Variants in KMT2A observed in about 807,000 individuals in gnomAD.
The protein encoded by KMT2A is lysine methyltransferase 2A.
A neutral mutation model predicts 345.3 loss-of-function variants in KMT2A; 16 were observed. The ratio of observed to expected loss-of-function variants is 0.05; its 90% CI spans 0.03 to 0.07. The LOEUF (loss-of-function observed/expected upper bound fraction) is 0.07. KMT2A is among the 10% of genes least tolerant of loss of function. The probability of loss-of-function intolerance (pLI) is 1.00; values close to 1 mark genes in which losing one functional copy is unlikely to be tolerated. For missense variants in KMT2A, 3,272 were observed against 4,841.6 expected, an observed-to-expected ratio of 0.68 and a Z score of 9.62; for synonymous variants, 1,599 against 1,778.6, an observed-to-expected ratio of 0.90 and a Z score of 2.54.
At chr11:118,489,751 T>C (rs1412137531) in intron 11 of KMT2A, 41 bp from the exon 12 acceptor site, 1 of 1,531,696 alleles carries the variant, frequency 6.5e-7, no homozygotes, top group Non-Finnish European at 9.0e-7. Context: ...TGGGTGAAGG[T>C]AATATGATGC....
In KMT2A at chr11:118,484,145, G is replaced by C. The variant is rs782748241; in HGVS notation, c.4087-38G>C. 4 of 1,604,448 alleles carry C rather than the reference G, an allele frequency of 2.5e-6. No homozygotes were observed. In the South Asian group the frequency reaches 4.5e-5, roughly 18 times the overall value. On this transcript the variant is annotated intron_variant, in intron 8 of 35. Coordinates refer to ENST00000534358, the MANE Select transcript of KMT2A (RefSeq NM_001197104.2). This position sits in a 1 kb window ranked among gnomAD's most constrained non-coding sequence, Gnocchi z 4.1. ...TGTTGCAAATGTGAAGGCAAATAGG[G>C]TGTGATTTTGTTCTATATTCATCTT...
At chr11:118,440,553 A>G (rs912201171) in intron 1 of KMT2A, among the ~76,000 whole-genome samples, 3 of 152,212 alleles carry the variant, frequency 2.0e-5, no homozygotes, top group African/African-American at 7.2e-5. Flanking sequence ...TATTAATGTC[A>G]TAATCCAGTT....
chr11:118,499,369 A>G lies in KMT2A; in HGVS notation c.6028A>G (p.Arg2010Gly). The change falls in exon 23 of 36, where the codon AGA becomes GGA. Residue 2010 changes from arginine (R) to glycine (G), a missense_variant. Physicochemically the swap from Arg to Gly is moderately radical, Grantham distance 125. This residue lies in a region of KMT2A where 235 missense variants were observed against 503.4 expected (regional missense o/e 0.47). Transcript: ENST00000534358. The stretch of plus-strand genomic sequence containing the variant: ...TGTGGACTTTGAAGGAATCAGCTTG[A>G]GAAGGAAGTTTCTCAATGGCTTGGA... ...VFVDFEGISL[R>G]RKFLNGLEPE... The G allele has an allele frequency of 6.2e-7, 1 of 1,611,082 alleles. No homozygotes were observed. The highest frequency in any genetic ancestry group is 8.5e-7 in the Non-Finnish European group (1 of 1,179,718).
intron 1 of KMT2A, among the ~76,000 whole-genome samples, chr11:118,444,411 A>G (rs1335757028): frequency 1.3e-5 from 2 of 152,200 alleles, no homozygotes; most frequent in Non-Finnish European, 2.9e-5. Flanking sequence ...TTATTTGTGC[A>G]TATATAAATA....
At position 118,473,165 on chromosome 11, in the gene KMT2A, C is replaced by T; in HGVS notation, c.2006C>T (p.Ala669Val). 6.2e-7 allele frequency: 1 copy of T among 1,614,108 alleles called. No homozygotes were observed. The highest frequency in any genetic ancestry group is 8.5e-7 in the Non-Finnish European group (1 of 1,180,032). Residue 669 changes from alanine (A) to valine (V), a missense_variant, in exon 3 of 36, where the codon GCA becomes GTA. By Grantham distance (64) the Ala-to-Val change is moderately conservative. Transcript: ENST00000534358. The surrounding 1 kb of genome is among the most constrained non-coding windows in gnomAD (Gnocchi z 5.2). The part of the protein sequence containing the change: ...EDVGFASGFS[A>V]SGTAASARLF... Reference sequence around the variant, plus strand: ...GTTGGCTTTGCATCTGGTTTTTCTGCATCTGGTACCGCTGCTTCAGCCCGA... The same window carrying T: ...GTTGGCTTTGCATCTGGTTTTTCTGTATCTGGTACCGCTGCTTCAGCCCGA...
Position 118,520,131 on chromosome 11 carries a change from A to G in KMT2A, c.11429+67A>G, listed in dbSNP as rs1365009610. ...CTCTCCTCCAGCTGGTCAGGGCACT[A>G]CGTAGGAATTTGTTTGCATCAGAAT... On this transcript the variant is annotated intron_variant, in intron 33 of 35. Transcript: ENST00000534358. The surrounding 1 kb of genome is among the most constrained non-coding windows in gnomAD (Gnocchi z 4.3). The G allele has an allele frequency of 1.9e-6, 2 of 1,029,538 alleles. No individual in the cohort carries two copies. The highest frequency in any genetic ancestry group is 1.5e-6 in the Non-Finnish European group (1 of 679,238). The allele number at this position is 1,029,538 out of a possible 1,614,324, so 63.8% of individuals were successfully genotyped here. A position where few individuals can be genotyped will look rare whatever the true frequency, so the allele number is the denominator to read the frequency against.
chr11:118,450,860 A>C (rs187432701), intron 1 of KMT2A: 1 of 152,150 alleles, frequency 6.6e-6, no homozygotes, highest in Non-Finnish European at 1.5e-5. Flanking sequence ...TTCATTAACT[A>C]TTTGGCTTAA....
At position 118,510,197 on chromosome 11, in the gene KMT2A, A is replaced by G. The variant is rs1307850679; in HGVS notation, c.11071+79A>G. The stretch of plus-strand genomic sequence containing the variant: ...GCTTCATTTTCTGAGTATTAGCACC[A>G]TTTAGGTGGCTGTTTTATGCTAGAT... On this transcript the variant is annotated intron_variant, in intron 30 of 35. Coordinates refer to ENST00000534358, the MANE Select transcript of KMT2A (RefSeq NM_001197104.2). This position sits in a 1 kb window ranked among gnomAD's most constrained non-coding sequence, Gnocchi z 4.1. The G allele has an allele frequency of 1.5e-5, 17 of 1,172,218 alleles. No homozygotes were observed. In the Admixed American group the frequency reaches 3.6e-4, roughly 24 times the overall value. 72.6% of individuals were successfully genotyped at this position (1,172,218 alleles called of 1,614,324 possible).
chr11:118,486,571 A>G (rs944536619), intron 10 of KMT2A, among the ~76,000 whole-genome samples: 2 of 152,098 alleles, frequency 1.3e-5, no homozygotes, highest in Admixed American at 6.6e-5. Flanking sequence ...TATGTATTCA[A>G]AGGTGGTAAA....
Position 118,505,930 on chromosome 11 carries a change from T to G in KMT2A, c.10038T>G (p.Val3346=). 1.9e-6 allele frequency: 3 copies of G among 1,614,208 alleles called. No individual in the cohort carries two copies. The South Asian group carries it at 3.3e-5, about 18-fold the overall frequency. ...CATCCAGTTCCTCTGTCTTGAATGT[T>G]GTATCCATGCAAACTACCACAACCC... ...GLASSSSVLN[V]VSMQTTTTPT... Residue 3346 remains valine (V), a synonymous_variant, in exon 27 of 36, where the codon GTT becomes GTG. Transcript: ENST00000534358. This position sits in a 1 kb window ranked among gnomAD's most constrained non-coding sequence, Gnocchi z 4.6.
rs1217625750 is a variant in KMT2A at position 118,524,269 on chromosome 11, G to C, written c.*2097G>C. 5.4e-6 allele frequency: 1 copy of C among 184,970 alleles called. No homozygotes were observed. Among genetic ancestry groups the C allele is most frequent in the African/African-American group, 2.3e-5 (1 of 42,586 alleles). 11.5% of individuals were successfully genotyped at this position (184,970 alleles called of 1,614,324 possible). The stretch of plus-strand genomic sequence containing the variant: ...GCCTCTGCCACAAGGTTTCAGAGTA[G>C]TGTAGTCCAAGTAGAGGGTGGGGCA... On this transcript the variant is annotated 3_prime_UTR_variant, in exon 36 of 36. Coordinates refer to ENST00000534358, the MANE Select transcript of KMT2A (RefSeq NM_001197104.2).
chr11:118,510,079 A>G lies in KMT2A; in HGVS notation c.11032A>G (p.Ser3678Gly). The stretch of plus-strand genomic sequence containing the variant: ...GAAAGGACTTGTTTTTGAAATTTCC[A>G]GTGATGATGGCTTTCAGATCTGTGC... ...PKKGLVFEIS[S>G]DDGFQICAES... The change falls in exon 30 of 36, where the codon AGT becomes GGT. Residue 3678 changes from serine (S) to glycine (G), a missense_variant. By Grantham distance (56) the Ser-to-Gly change is moderately conservative. Transcript: ENST00000534358. The surrounding 1 kb of genome is among the most constrained non-coding windows in gnomAD (Gnocchi z 4.1). The G allele has an allele frequency of 6.2e-7, 1 of 1,613,962 alleles. No individual in the cohort carries two copies. The highest frequency in any genetic ancestry group is 8.5e-7 in the Non-Finnish European group (1 of 1,179,878).
In KMT2A at chr11:118,505,866, ATACTAGC is replaced by A. The variant is rs1950572660; in HGVS notation, c.9975_9981del (p.Leu3329GlnfsTer14). On this transcript the variant is annotated frameshift_variant, in exon 27 of 36. Transcript: ENST00000534358. LOFTEE classifies it high-confidence loss of function. This position sits in a 1 kb window ranked among gnomAD's most constrained non-coding sequence, Gnocchi z 4.6. ...GCAGGCACATCAACAATAAGCCAGGATACTAGCCACCTCACATCAGGGTCTGTGTCTG... is the reference window on the plus strand; with the variant it reads ...GCAGGCACATCAACAATAAGCCAGGACACCTCACATCAGGGTCTGTGTCTG... 1.2e-6 allele frequency: 2 copies of A among 1,614,086 alleles called. No homozygotes were observed. Among genetic ancestry groups the A allele is most frequent in the South Asian group, 2.2e-5 (2 of 91,092 alleles).
In KMT2A at chr11:118,505,043, C is replaced by T. The variant is rs2134403397; in HGVS notation, c.9151C>T (p.Pro3051Ser). The T allele has an allele frequency of 6.2e-7, 1 of 1,614,170 alleles. No individual in the cohort carries two copies. Among genetic ancestry groups the T allele is most frequent in the Non-Finnish European group, 8.5e-7 (1 of 1,180,034 alleles). The change falls in exon 27 of 36, where the codon CCC (proline) becomes TCC (serine). Residue 3051 changes from proline to serine, a missense_variant. Pro to Ser is a moderately conservative substitution (Grantham distance 74). Transcript: ENST00000534358. This position sits in a 1 kb window ranked among gnomAD's most constrained non-coding sequence, Gnocchi z 4.6. ...TVPIQNQKYV[P>S]NSTDSPGPSQ... ...TCCCATCCAGAACCAGAAGTATGTG[C>T]CCAATTCTACTGATAGTCCTGGCCC...
rs781874908 is a variant in KMT2A at position 118,473,605 on chromosome 11, C to T, written c.2446C>T (p.Pro816Ser). ...SGESAEKNQR[P>S]RKQTSAPAEP... is the part of the protein sequence containing the mutation. ...GGAATCTGCAGAGAAAAATCAGAGA[C>T]CAAGGAAGCAGACTAGTGCTCCGGC... Residue 816 changes from proline (P) to serine (S), a missense_variant, in exon 3 of 36, where the codon CCA (proline) becomes TCA (serine). By Grantham distance (74) the Pro-to-Ser change is moderately conservative (BLOSUM62 -1). Coordinates refer to ENST00000534358, the MANE Select transcript of KMT2A (RefSeq NM_001197104.2). This position sits in a 1 kb window ranked among gnomAD's most constrained non-coding sequence, Gnocchi z 5.2. 1 of 1,614,040 alleles carries T rather than the reference C, an allele frequency of 6.2e-7. No individual in the cohort carries two copies. Among genetic ancestry groups the T allele is most frequent in the Non-Finnish European group, 8.5e-7 (1 of 1,180,030 alleles).
Position 118,505,236 on chromosome 11 carries a change from C to A in KMT2A, c.9344C>A (p.Pro3115His), listed in dbSNP as rs1555047627. Reference sequence around the variant, plus strand: ...TTGACCTCTTCTGTTAGTTCTACACCCAGTGTGATGGAGACAAATACTTCA... The same window carrying A: ...TTGACCTCTTCTGTTAGTTCTACACACAGTGTGATGGAGACAAATACTTCA... ...IQLTSSVSST[P>H]SVMETNTSVL... is the part of the protein sequence containing the mutation. The change falls in exon 27 of 36, where the codon CCC becomes CAC. Residue 3115 changes from proline (P) to histidine (H), a missense_variant. Around this residue, in one of 27 missense-constraint regions of KMT2A, gnomAD observed 748 missense variants for 922.2 expected, o/e 0.81. Coordinates refer to ENST00000534358, the MANE Select transcript of KMT2A (RefSeq NM_001197104.2). The surrounding 1 kb of genome is among the most constrained non-coding windows in gnomAD (Gnocchi z 4.6). The A allele has an allele frequency of 6.2e-7, 1 of 1,614,052 alleles. No individual in the cohort carries two copies. Among genetic ancestry groups the A allele is most frequent in the Non-Finnish European group, 8.5e-7 (1 of 1,179,956 alleles).
In KMT2A at chr11:118,524,280, G is replaced by T. The variant is rs1294765213; in HGVS notation, c.*2108G>T. ...AAGGTTTCAGAGTAGTGTAGTCCAAGTAGAGGGTGGGGCACCCTTTTCTCG... is the reference window on the plus strand; with the variant it reads ...AAGGTTTCAGAGTAGTGTAGTCCAATTAGAGGGTGGGGCACCCTTTTCTCG... On this transcript the variant is annotated 3_prime_UTR_variant, in exon 36 of 36. Coordinates refer to ENST00000534358, the MANE Select transcript of KMT2A (RefSeq NM_001197104.2). 1.1e-5 allele frequency: 2 copies of T among 186,008 alleles called. No individual in the cohort carries two copies. The highest frequency in any genetic ancestry group is 2.3e-5 in the Non-Finnish European group (2 of 87,642). The allele number at this position is 186,008 out of a possible 1,614,324, so 11.5% of individuals were successfully genotyped here.
Position 118,503,222 on chromosome 11 carries a change from C to T in KMT2A, c.7330C>T (p.His2444Tyr), listed in dbSNP as rs954292012. 6.2e-7 allele frequency: 1 copy of T among 1,614,040 alleles called. No homozygotes were observed. The highest frequency in any genetic ancestry group is 8.5e-7 in the Non-Finnish European group (1 of 1,179,946). Residue 2444 changes from histidine to tyrosine, a missense_variant, in exon 27 of 36, where the codon CAT (histidine) becomes TAT (tyrosine). Coordinates refer to ENST00000534358, the MANE Select transcript of KMT2A (RefSeq NM_001197104.2). The surrounding 1 kb of genome is among the most constrained non-coding windows in gnomAD (Gnocchi z 5.3). Reference sequence around the variant, plus strand: ...CTGTAAAGAAACTTTCAAAGAAAAGCATTCCAGTAAATCTTTTTTGGAACC... The same window carrying T: ...CTGTAAAGAAACTTTCAAAGAAAAGTATTCCAGTAAATCTTTTTTGGAACC... The part of the protein sequence containing the change: ...KSCKETFKEK[H>Y]SSKSFLEPGQ...
At position 118,499,830 on chromosome 11, in the gene KMT2A, G is replaced by T; in HGVS notation, c.6080-5G>T. The T allele has an allele frequency of 6.2e-7, 1 of 1,603,056 alleles. No homozygotes were observed. Among genetic ancestry groups the T allele is most frequent in the Admixed American group, 1.7e-5 (1 of 59,986 alleles). On this transcript the variant is annotated splice_polypyrimidine_tract_variant and splice_region_variant and intron_variant, in intron 23 of 35. Transcript: ENST00000534358. ...TCTCTAATCGGTTCTTCTTTCCTTGGTCAGGGTCTATGACAATCGACTGCT... is the reference window on the plus strand; with the variant it reads ...TCTCTAATCGGTTCTTCTTTCCTTGTTCAGGGTCTATGACAATCGACTGCT...
Sources: gnomAD v4.1 joint callset for allele counts (sites outside exome capture counted in the v4.1 genomes callset) on GRCh38, gnomAD v4.1.1 for gene constraint, gnomAD v4.1.1 regional missense constraint, Gnocchi (gnomAD v3.1) non-coding constraint, MANE v1.5 for transcripts, NCBI Gene and HGNC (gene_info 2026-07-23, HGNC 2026-07-21) for gene names.